The following ZNF143 variants were observed in gnomAD, a reference collection of about 807,000 sequenced individuals.
The protein encoded by ZNF143 is zinc finger protein 143.
Under a neutral mutation model 74.1 loss-of-function variants are expected in ZNF143, and 49 were observed. The observed-to-expected ratio is 0.66, with a 90% CI of 0.53 to 0.84. The LOEUF (loss-of-function observed/expected upper bound fraction) is 0.84. Among genes scored for constraint, ZNF143 ranks in the 40% least tolerant of loss-of-function variants. ZNF143 has a pLI of 0.00. For synonymous variants in ZNF143, 304 were observed against 282.8 expected (o/e 1.07, Z -0.75); for missense variants, 637 against 793.4 (o/e 0.80, Z 2.37).
intron 11 of ZNF143, among the ~76,000 whole-genome samples, chr11:9,503,600 C>T (rs1182131417): frequency 4.0e-5 from 6 of 150,090 alleles, no homozygotes; most frequent in Non-Finnish European, 7.4e-5. Context: ...TATCTCATTC[C>T]GACTTTTGAT....
rs1847302231 is a variant in ZNF143, at chr11:9,482,852, A to G, written c.645+3306A>G. On this transcript the variant is annotated intron_variant, in intron 7 of 15. Coordinates refer to ENST00000396602, the MANE Select transcript of ZNF143 (RefSeq NM_003442.6). ...TAGTACGATAAAAATAATGTAAAAT[A>G]TCAATAATTTCTTATATTGATAACG... 1.3e-5 allele frequency among the ~76,000 whole-genome samples: 2 copies of G among 151,562 alleles called. 1 individual carries two copies. Among genetic ancestry groups the G allele is most frequent in the African/African-American group, 4.9e-5 (2 of 40,838 alleles).
At chr11:9,471,677 C>T (rs188735828) in intron 2 of ZNF143, among the ~76,000 whole-genome samples, 106 of 151,256 alleles carry the variant, frequency 7.0e-4, no homozygotes, top group African/African-American at 2.5e-3. Flanking sequence ...CTCAGCCTCC[C>T]GAGTAGCTGG....
chr11:9,491,675 G>C (rs955784435), intron 7 of ZNF143, among the ~76,000 whole-genome samples: 3 of 152,076 alleles, frequency 2.0e-5, no homozygotes, highest in Non-Finnish European at 4.4e-5. Flanking sequence ...CTGTCACCCA[G>C]GATGCGTTGC....
At chr11:9,497,458 T>C (rs1848000854) in intron 9 of ZNF143, among the ~76,000 whole-genome samples, 1 of 152,184 alleles carries the variant, frequency 6.6e-6, no homozygotes, top group Non-Finnish European at 1.5e-5. Context: ...CTCGAACTCC[T>C]GACTTCAGGT....
intron 12 of ZNF143, 31 bp downstream of exon 12, chr11:9,508,877 T>C (rs1199217309): frequency 1.8e-5 from 28 of 1,546,116 alleles, no homozygotes; most frequent in Non-Finnish European, 2.5e-5. Context: ...ATTTTGTTTC[T>C]GAGTTTGAGA....
chr11:9,483,501 C>T (rs1451823991), intron 7 of ZNF143, among the ~76,000 whole-genome samples: 2 of 148,202 alleles, frequency 1.3e-5, no homozygotes, highest in Non-Finnish European at 1.5e-5. Context: ...TTTTACCATG[C>T]TGGCCAGGCT....
At chr11:9,461,594 CCATG>C (rs1250416865) in intron 1 of ZNF143, 1 of 152,262 alleles carries the variant, frequency 6.6e-6, no homozygotes, top group African/African-American at 2.4e-5. Flanking sequence ...CGCTTGCTTC[CCATG>C]CGTATCGTGG....
intron 1 of ZNF143, among the ~76,000 whole-genome samples, chr11:9,467,428 G>T (rs1397015926): frequency 6.6e-6 from 1 of 151,676 alleles, no homozygotes; most frequent in Non-Finnish European, 1.5e-5. Flanking sequence ...TAGAGACAGG[G>T]TTTTGTCATG....
chr11:9,523,650 C>T (rs1849019400), intron 14 of ZNF143, among the ~76,000 whole-genome samples: 1 of 152,078 alleles, frequency 6.6e-6, no homozygotes, highest in South Asian at 2.1e-4. Context: ...AGGAGAATGG[C>T]GTGAACCCGG....
intron 7 of ZNF143, among the ~76,000 whole-genome samples, chr11:9,494,087 G>T (rs180715481): frequency 6.6e-5 from 10 of 152,250 alleles, no homozygotes; most frequent in Admixed American, 3.9e-4. Flanking sequence ...TTCTAGAGTA[G>T]GAATAGATCT....
chr11:9,524,045 CAAAAAAAAAA>C (rs533664056), intron 14 of ZNF143, among the ~76,000 whole-genome samples: 74 of 86,762 alleles, frequency 8.5e-4, no homozygotes, highest in African/African-American at 3.2e-3. Flanking sequence ...GAGACTACCT[CAAAAAAAAAA>C]AAAAAAAAAA....
At chr11:9,479,583 T>A in intron 7 of ZNF143, 37 bp downstream of exon 7, 1 of 1,568,660 alleles carries the variant, frequency 6.4e-7, no homozygotes, top group East Asian at 2.2e-5. Flanking sequence ...AAATCTAGCT[T>A]AGCATTTCTG....
chr11:9,497,474 G>T (rs576386374), intron 9 of ZNF143, among the ~76,000 whole-genome samples: 28 of 152,108 alleles, frequency 1.8e-4, no homozygotes, highest in Non-Finnish European at 3.2e-4. Flanking sequence ...CAGGTGATCC[G>T]CCCGCCTTGG....
chr11:9,483,013 A>G (rs1847309809), intron 7 of ZNF143, among the ~76,000 whole-genome samples: 1 of 150,862 alleles, frequency 6.6e-6, no homozygotes, highest in Non-Finnish European at 1.5e-5. Flanking sequence ...ATGTATTTTG[A>G]GATGGAGTCT....
intron 14 of ZNF143, among the ~76,000 whole-genome samples, chr11:9,517,193 A>AT (rs1318850087): frequency 4.5e-4 from 61 of 134,508 alleles, no homozygotes; most frequent in African/African-American, 1.3e-3. Context: ...CCCAGCCTCC[A>AT]TTTTTTTTTT....
Position 9,499,061 on chromosome 11 carries a change from C to T in ZNF143, c.967+1261C>T, listed in dbSNP as rs185681208. Among the ~76,000 whole-genome samples the T allele has an allele frequency of 1.4e-3, 213 of 152,128 alleles. 3 individuals are homozygous for T. In the Middle Eastern group the frequency reaches 0.02, roughly 15 times the overall value. The stretch of plus-strand genomic sequence containing the variant: ...TTGTTATATAAAAGCTATATCAAAC[C>T]AATAATCTAGTTTTATAAATATTGA... On this transcript the variant is annotated intron_variant, in intron 10 of 15. Transcript: ENST00000396602.
intron 1 of ZNF143, among the ~76,000 whole-genome samples, chr11:9,469,522 G>A (rs565051754): frequency 3.3e-5 from 5 of 151,854 alleles, no homozygotes; most frequent in Admixed American, 6.6e-5. Context: ...ATGAGCCACC[G>A]CGTGCAGCCC....
intron 7 of ZNF143, among the ~76,000 whole-genome samples, chr11:9,487,946 T>C (rs932940571): frequency 1.3e-5 from 2 of 152,228 alleles, no homozygotes; most frequent in African/African-American, 4.8e-5. Context: ...TAGAATCAGC[T>C]ATTGCTTTCT....
chr11:9,471,568 A>G (rs769260472), intron 2 of ZNF143, 148 bp downstream of exon 2: 7 of 531,018 alleles, frequency 1.3e-5, no homozygotes, highest in Non-Finnish European at 2.2e-5. Flanking sequence ...TTTTTTTGAA[A>G]CGGGACGGAG....
Sources: gnomAD v4.1 joint callset for allele counts (sites outside exome capture counted in the v4.1 genomes callset) on GRCh38, gnomAD v4.1.1 for gene constraint, MANE v1.5 for transcripts, NCBI Gene and HGNC (gene_info 2026-07-23, HGNC 2026-07-21) for gene names.